TBC1D2: variants seen among roughly 807,000 people sequenced by gnomAD.
TBC1D2 encodes the protein TBC1 domain family member 2A.
Under a neutral mutation model 91.1 loss-of-function variants are expected in TBC1D2, and 58 were observed. The ratio of observed to expected loss-of-function variants is 0.64; its 90% CI spans 0.52 to 0.79. The LOEUF (loss-of-function observed/expected upper bound fraction) is 0.79, where lower values mean the gene tolerates loss of function less well. Ranked by LOEUF, TBC1D2 falls within the 30% of genes least tolerant of loss-of-function variation. The pLI is 0.00. For missense variants in TBC1D2, 1,080 were observed against 1,208.3 expected (o/e 0.89, Z 1.57); for synonymous variants, 482 against 511.5 (o/e 0.94, Z 0.78).
At position 98,238,795 on chromosome 9, in the gene TBC1D2, G is replaced by A. The variant is rs1229722270; in HGVS notation, c.647+5199C>T. ...GCTCTGTCGCCCAGGCTGGAGTGTAGTGGTACAACCTCCGCCTCCTGGGTT... is the reference window on the plus strand; with the variant it reads ...GCTCTGTCGCCCAGGCTGGAGTGTAATGGTACAACCTCCGCCTCCTGGGTT... On this transcript the variant is annotated intron_variant, in intron 3 of 12. Coordinates refer to ENST00000465784, the MANE Select transcript of TBC1D2 (RefSeq NM_001267571.2). Among the ~76,000 whole-genome samples, 4 of 117,220 alleles carry A rather than the reference G, an allele frequency of 3.4e-5. 1 individual carries two copies. The highest frequency in any genetic ancestry group is 6.3e-5 in the Non-Finnish European group (4 of 63,404). 76.9% of individuals were successfully genotyped at this position (117,220 alleles called of 152,430 possible).
intron 6 of TBC1D2, among the ~76,000 whole-genome samples, chr9:98,215,544 G>A (rs1450841449): frequency 2.0e-5 from 3 of 152,168 alleles, no homozygotes; most frequent in Admixed American, 2.0e-4. Flanking sequence ...GTCTTGCTCT[G>A]TCGCCCAAGC....
Position 98,199,437 on chromosome 9 carries a change from G to A in TBC1D2, c.2731C>T (p.Arg911Cys), listed in dbSNP as rs750420289. The A allele has an allele frequency of 8.7e-6, 14 of 1,613,900 alleles. No homozygotes were observed. The highest frequency in any genetic ancestry group is 4.0e-5 in the African/African-American group (3 of 75,036). The change falls in exon 13 of 13, where the codon CGC becomes TGC. Residue 911 changes from arginine (R) to cysteine (C), a missense_variant. Transcript: ENST00000465784. The stretch of plus-strand genomic sequence containing the variant: ...GCACAGCCCTCGGACACAGCTCTGC[G>A]CCGGGATGCCCGCCTCTCCAGGTAC... Reference protein sequence around the residue: ...AEYLERRASRRRAVSEGCASE... With the variant: ...AEYLERRASRCRAVSEGCASE...
At chr9:98,221,288 G>C in intron 5 of TBC1D2, 60 bp from the exon 6 acceptor site, 1 of 1,468,544 alleles carries the variant, frequency 6.8e-7, no homozygotes, top group Non-Finnish European at 9.0e-7. Context: ...GCGCCACAGT[G>C]GGGTATATGT....
At chr9:98,233,234 A>G (rs1417192829) in intron 4 of TBC1D2, among the ~76,000 whole-genome samples, 182 bp downstream of exon 4, 1 of 152,250 alleles carries the variant, frequency 6.6e-6, no homozygotes, top group Non-Finnish European at 1.5e-5. Flanking sequence ...CTTCCACACA[A>G]CTGTGAGAAA....
chr9:98,220,797 C>T lies in TBC1D2; in HGVS notation c.1374+36G>A, dbSNP rs771985399. On this transcript the variant is annotated intron_variant, in intron 6 of 12. Transcript: ENST00000465784. ...TTCCCTGAGGGCTGGGACAGAGGAC[C>T]GGCAGGACTGGCAGGCCCTGAGGGG... The T allele has an allele frequency of 5.2e-5, 83 of 1,604,838 alleles. No individual in the cohort carries two copies. The East Asian group carries it at 8.7e-4, about 17-fold the overall frequency.
At position 98,228,912 on chromosome 9, in the gene TBC1D2, G is replaced by A; in HGVS notation, c.978+40C>T. 1 of 1,590,324 alleles carries A rather than the reference G, an allele frequency of 6.3e-7. No individual in the cohort carries two copies. Among genetic ancestry groups the A allele is most frequent in the Non-Finnish European group, 8.6e-7 (1 of 1,162,862 alleles). ...CCGAAAGGCTCCAGGAACTGGAGGG[G>A]TCCACTGGAACCTGGGGCCTCCCTG... On this transcript the variant is annotated intron_variant, in intron 5 of 12. Coordinates refer to ENST00000465784, the MANE Select transcript of TBC1D2 (RefSeq NM_001267571.2). This position sits in a 1 kb window ranked among gnomAD's most constrained non-coding sequence, Gnocchi z 4.0.
chr9:98,220,638 CTGGGCCT>C (rs754490949), intron 6 of TBC1D2, among the ~76,000 whole-genome samples, 188 bp downstream of exon 6: 25 of 152,302 alleles, frequency 1.6e-4, no homozygotes, highest in Non-Finnish European at 3.2e-4. Flanking sequence ...GCAAACTGCA[CTGGGCCT>C]TGTGGTAAAG....
At chr9:98,211,219 G>T (rs1461590398) in intron 7 of TBC1D2, among the ~76,000 whole-genome samples, 1 of 152,254 alleles carries the variant, frequency 6.6e-6, no homozygotes, top group African/African-American at 2.4e-5. Flanking sequence ...ATCATACAGA[G>T]TCTGCCTGAG....
chr9:98,235,650 G>A (rs1363066167), intron 3 of TBC1D2: 3 of 348,144 alleles, frequency 8.6e-6, no homozygotes, highest in Non-Finnish European at 1.7e-5. Context: ...CCCAAAATAC[G>A]GTCCTTCCTA....
chr9:98,248,112 G>A (rs185272769), intron 2 of TBC1D2, among the ~76,000 whole-genome samples: 16 of 152,332 alleles, frequency 1.1e-4, no homozygotes, highest in South Asian at 2.1e-4. Flanking sequence ...AGGTGACACC[G>A]TTATAGACTC....
At chr9:98,251,963 C>T in intron 1 of TBC1D2, 37 bp from the exon 2 acceptor site, 2 of 1,572,924 alleles carry the variant, frequency 1.3e-6, no homozygotes, top group Non-Finnish European at 1.7e-6. Context: ...AGGCCCTGTG[C>T]CTGAAGGGTG....
At chr9:98,250,480 G>A (rs957088636) in intron 2 of TBC1D2, among the ~76,000 whole-genome samples, 2 of 152,140 alleles carry the variant, frequency 1.3e-5, no homozygotes, top group African/African-American at 4.8e-5. Flanking sequence ...AAAGGCCTGG[G>A]TCTGATGTAT....
intron 2 of TBC1D2, among the ~76,000 whole-genome samples, chr9:98,247,493 C>T (rs1271182615): frequency 6.6e-6 from 1 of 152,022 alleles, no homozygotes; most frequent in Admixed American, 6.6e-5. Flanking sequence ...CTTTGGGAGG[C>T]GGAGGTGGGT....
In TBC1D2 at chr9:98,229,292, G is replaced by C. The variant is rs1829312730; in HGVS notation, c.782-144C>G. 13 of 709,398 alleles carry C rather than the reference G, an allele frequency of 1.8e-5. No individual in the cohort carries two copies. In the South Asian group the frequency reaches 2.3e-4, roughly 12 times the overall value. The allele number at this position is 709,398 out of a possible 1,614,324, so 43.9% of individuals were successfully genotyped here. A position where few individuals can be genotyped will look rare whatever the true frequency, so the allele number is the denominator to read the frequency against. ...CGGAGCTCTGGATTTAATAGGTCTG[G>C]GGCAGGGCTTGAGAATATGCACTTC... On this transcript the variant is annotated intron_variant, in intron 4 of 12. Coordinates refer to ENST00000465784, the MANE Select transcript of TBC1D2 (RefSeq NM_001267571.2).
At chr9:98,220,777 T>C in intron 6 of TBC1D2, 56 bp downstream of exon 6, 2 of 1,591,682 alleles carry the variant, frequency 1.3e-6, no homozygotes, top group Non-Finnish European at 1.7e-6. Context: ...GCACCTTCCC[T>C]GAGGGCTGGG....
chr9:98,250,865 G>A lies in TBC1D2; in HGVS notation c.511+920C>T, dbSNP rs181730499. ...CCAATCATGTTCCTGGCTGCAGCAT[G>A]GGGGTGGGAGGGTGTGGTCTCCTGG... On this transcript the variant is annotated intron_variant, in intron 2 of 12. Transcript: ENST00000465784. 4.7e-4 allele frequency among the ~76,000 whole-genome samples: 71 copies of A among 152,308 alleles called. 2 individuals carry two copies. The East Asian group carries it at 9.1e-3, about 19-fold the overall frequency.
intron 5 of TBC1D2, among the ~76,000 whole-genome samples, chr9:98,227,696 C>T (rs572665083): frequency 1.3e-5 from 2 of 151,566 alleles, no homozygotes; most frequent in African/African-American, 4.8e-5. Flanking sequence ...GCAGGAGAAT[C>T]GCTTGAACCC....
At position 98,199,436 on chromosome 9, in the gene TBC1D2, C is replaced by T. The variant is rs764982294; in HGVS notation, c.2732G>A (p.Arg911His). The part of the protein sequence containing the change: ...AEYLERRASR[R>H]RAVSEGCASE... Reference sequence around the variant, plus strand: ...GGCACAGCCCTCGGACACAGCTCTGCGCCGGGATGCCCGCCTCTCCAGGTA... The same window carrying T: ...GGCACAGCCCTCGGACACAGCTCTGTGCCGGGATGCCCGCCTCTCCAGGTA... The change falls in exon 13 of 13, where the codon CGC (arginine) becomes CAC (histidine). Residue 911 changes from arginine (R) to histidine (H), a missense_variant. Transcript: ENST00000465784. The T allele has an allele frequency of 1.7e-5, 28 of 1,613,882 alleles. No individual in the cohort carries two copies. The highest frequency in any genetic ancestry group is 5.5e-5 in the South Asian group (5 of 91,082).
intron 3 of TBC1D2, among the ~76,000 whole-genome samples, chr9:98,240,324 A>C (rs1035543022): frequency 6.6e-6 from 1 of 152,198 alleles, no homozygotes; most frequent in African/African-American, 2.4e-5. Flanking sequence ...CAGCACTCCC[A>C]ATACCTGATC....
Sources: allele counts gnomAD v4.1 joint callset (sites outside exome capture counted in the v4.1 genomes callset), GRCh38; gene constraint gnomAD v4.1.1; non-coding constraint Gnocchi (gnomAD v3.1); transcripts MANE v1.5; gene names NCBI Gene and HGNC (gene_info 2026-07-23, HGNC 2026-07-21).